The following CORO1C variants were observed in gnomAD, a reference collection of about 807,000 sequenced individuals.
The protein encoded by CORO1C is coronin 1C, also known as coronin-1C.
In CORO1C, 14 loss-of-function variants were observed where a neutral mutation model predicts 51.2. The ratio of observed to expected loss-of-function variants is 0.27; its 90% confidence interval spans 0.18 to 0.43. The LOEUF is 0.43. CORO1C is among the 20% of genes least tolerant of loss of function. CORO1C has a pLI of 1.00. For missense variants in CORO1C, 417 were observed against 607.8 expected (o/e 0.69, Z 3.30); for synonymous variants, 181 against 210.5 (o/e 0.86, Z 1.21).
rs1223567126 is a variant in CORO1C, at chr12:108,654,420, A to AGAT, written c.751-13_751-11dup. The AGAT allele has an allele frequency of 2.7e-6, 4 of 1,473,238 alleles. No individual in the cohort carries two copies. In the East Asian group the frequency reaches 9.1e-5, roughly 33 times the overall value. 91.3% of individuals were successfully genotyped at this position (1,473,238 alleles called of 1,614,324 possible). A position where few individuals can be genotyped will look rare whatever the true frequency, so the allele number is the denominator to read the frequency against. ...GTTCCTGCATATTTTTCTGGGGGGA[A>AGAT]GATAATAATAATACATATATGTGTA... On this transcript the variant is annotated splice_polypyrimidine_tract_variant and intron_variant, in intron 6 of 10. Transcript: ENST00000261401.
At position 108,658,186 on chromosome 12, in the gene CORO1C, G is replaced by A. The variant is rs768179724; in HGVS notation, c.630+552C>T. Among the ~76,000 whole-genome samples the A allele has an allele frequency of 2.6e-5, 4 of 152,002 alleles. No individual in the cohort carries two copies. In the South Asian group the frequency reaches 6.3e-4, roughly 24 times the overall value. ...GAGAACTTGTTGCTTTTCGCCCTGC[G>A]CATTTATTTATTTATTTATTTATTT... On this transcript the variant is annotated intron_variant, in intron 5 of 10. Coordinates refer to ENST00000261401, the MANE Select transcript of CORO1C (RefSeq NM_014325.4). This position sits in a 1 kb window ranked among gnomAD's most constrained non-coding sequence, Gnocchi z 4.9.
intron 2 of CORO1C, among the ~76,000 whole-genome samples, chr12:108,684,543 T>C (rs949517934): frequency 6.6e-6 from 1 of 152,108 alleles, no homozygotes; most frequent in African/African-American, 2.4e-5. Context: ...GGAATACATA[T>C]TTACATAAAA....
At position 108,652,756 on chromosome 12, in the gene CORO1C, AAAAC is replaced by A. The variant is rs1001271350; in HGVS notation, c.856-343_856-340del. 9.9e-5 allele frequency among the ~76,000 whole-genome samples: 14 copies of A among 141,044 alleles called. No individual in the cohort carries two copies. The East Asian group carries it at 1.1e-3, about 11-fold the overall frequency. The allele number at this position is 141,044 out of a possible 152,430, so 92.5% of individuals were successfully genotyped here. On this transcript the variant is annotated intron_variant, in intron 7 of 10. Coordinates refer to ENST00000261401, the MANE Select transcript of CORO1C (RefSeq NM_014325.4). ...CAGCTACATTGCAATTCAACTGTGA[AAAAC>A]AAACAAACAAACAAAGACTAAGAGG...
chr12:108,720,361 CT>C (rs1223571952), intron 1 of CORO1C, among the ~76,000 whole-genome samples: 1 of 152,068 alleles, frequency 6.6e-6, no homozygotes, highest in Admixed American at 6.5e-5. Flanking sequence ...AGAACATATG[CT>C]TTAAATAATC....
At chr12:108,680,051 T>A (rs758973624) in intron 2 of CORO1C, among the ~76,000 whole-genome samples, 3 of 152,236 alleles carry the variant, frequency 2.0e-5, no homozygotes, top group Non-Finnish European at 4.4e-5. Flanking sequence ...ACTCCATCAT[T>A]AAGAATTAAC....
intron 2 of CORO1C, among the ~76,000 whole-genome samples, chr12:108,689,886 A>T (rs1275762138): frequency 6.6e-6 from 1 of 152,220 alleles, no homozygotes; most frequent in African/African-American, 2.4e-5. Context: ...TAAGTCACAC[A>T]TGTGCTCAGA....
In CORO1C at chr12:108,652,291, T is replaced by A; in HGVS notation, c.982A>T (p.Asn328Tyr). Residue 328 changes from asparagine to tyrosine, a missense_variant, in exon 8 of 11, where the codon AAC (asparagine) becomes TAC (tyrosine). Coordinates refer to ENST00000261401, the MANE Select transcript of CORO1C (RefSeq NM_014325.4). ...GYMPKRGLDV[N>Y]KCEIARFFKL... ...CTTTACCTGGCAATCTCACATTTGT[T>A]AACATCAAGTCCCCTCTTGGGCATG... is the stretch of plus-strand genomic sequence containing the variant. 1 of 1,613,686 alleles carries A rather than the reference T, an allele frequency of 6.2e-7. No individual in the cohort carries two copies. Among genetic ancestry groups the A allele is most frequent in the Non-Finnish European group, 8.5e-7 (1 of 1,179,774 alleles).
intron 3 of CORO1C, among the ~76,000 whole-genome samples, chr12:108,677,778 G>C (rs1227992988): frequency 6.6e-6 from 1 of 152,178 alleles, no homozygotes; most frequent in Non-Finnish European, 1.5e-5. Context: ...CAGCACTTTG[G>C]GAGGCCGAGG....
rs772627304 is a variant in CORO1C at position 108,654,329 on chromosome 12, T to C, written c.832A>G (p.Ser278Gly). The C allele has an allele frequency of 1.2e-6, 2 of 1,611,306 alleles. No individual in the cohort carries two copies. The highest frequency in any genetic ancestry group is 4.5e-5 in the East Asian group (2 of 44,866). ...ACCTTTCCACATAAGTAAATGATGC[T>C]GGTGTCAGGGTCATAGAAAGGCAGC... ...VLLPFYDPDT[S>G]IIYLCGKGDS... Residue 278 changes from serine (S) to glycine (G), a missense_variant, in exon 7 of 11, where the codon AGC becomes GGC. By Grantham distance (56) the Ser-to-Gly change is moderately conservative. Coordinates refer to ENST00000261401, the MANE Select transcript of CORO1C (RefSeq NM_014325.4).
chr12:108,703,696 G>A (rs2034944338), intron 1 of CORO1C, among the ~76,000 whole-genome samples: 1 of 152,194 alleles, frequency 6.6e-6, no homozygotes, highest in African/African-American at 2.4e-5. Context: ...GGAGCAGCTG[G>A]ACACCCAGAT....
chr12:108,708,817 A>G (rs980974579), intron 1 of CORO1C, among the ~76,000 whole-genome samples: 2 of 151,796 alleles, frequency 1.3e-5, no homozygotes, highest in African/African-American at 2.4e-5. Flanking sequence ...TAGTGGTTCA[A>G]TCATAGCTCA....
chr12:108,669,463 T>G (rs58733894), intron 3 of CORO1C, among the ~76,000 whole-genome samples: 8,381 of 152,140 alleles, frequency 0.055, 632 homozygotes, highest in East Asian at 0.25. Context: ...GATAGGCATA[T>G]TATTATCATA....
chr12:108,667,015 T>C (rs1233533117), intron 3 of CORO1C, among the ~76,000 whole-genome samples: 1 of 152,022 alleles, frequency 6.6e-6, no homozygotes, highest in Non-Finnish European at 1.5e-5. Flanking sequence ...ACTCATGGCT[T>C]ACTGTGCGGA....
intron 1 of CORO1C, among the ~76,000 whole-genome samples, chr12:108,729,691 C>T (rs2035671778): frequency 1.3e-5 from 2 of 152,182 alleles, no homozygotes; most frequent in African/African-American, 4.8e-5. Flanking sequence ...AAACATACCT[C>T]CAAACCAAAA....
chr12:108,681,554 T>C (rs2034124358), intron 2 of CORO1C, among the ~76,000 whole-genome samples: 1 of 152,018 alleles, frequency 6.6e-6, no homozygotes, highest in Admixed American at 6.6e-5. Context: ...ATGGAAAACA[T>C]CTTGGAAATG....
intron 2 of CORO1C, among the ~76,000 whole-genome samples, chr12:108,692,850 T>C (rs932320753): frequency 2.2e-5 from 3 of 135,110 alleles, no homozygotes; most frequent in African/African-American, 8.6e-5. Context: ...CAGGCTGGAG[T>C]GCAATGGTGC....
intron 1 of CORO1C, among the ~76,000 whole-genome samples, chr12:108,723,763 T>C (rs1294299481): frequency 1.3e-5 from 2 of 152,224 alleles, no homozygotes; most frequent in African/African-American, 4.8e-5. Context: ...TCTGTTACAA[T>C]CTATATATTA....
At chr12:108,676,567 T>C (rs1171322351) in intron 3 of CORO1C, among the ~76,000 whole-genome samples, 1 of 151,192 alleles carries the variant, frequency 6.6e-6, no homozygotes, top group African/African-American at 2.4e-5. Context: ...AGGTCAGGAG[T>C]TCGAGACCAG....
At chr12:108,684,154 A>G (rs1421746781) in intron 2 of CORO1C, among the ~76,000 whole-genome samples, 1 of 152,230 alleles carries the variant, frequency 6.6e-6, no homozygotes, top group African/African-American at 2.4e-5. Flanking sequence ...GAGAACTCAC[A>G]GCGAAGAAAA....
Sources: allele counts gnomAD v4.1 joint callset (sites outside exome capture counted in the v4.1 genomes callset), GRCh38; gene constraint gnomAD v4.1.1; non-coding constraint Gnocchi (gnomAD v3.1); transcripts MANE v1.5; gene names NCBI Gene and HGNC (gene_info 2026-07-23, HGNC 2026-07-21).